Variants in KLHL18 observed in about 807,000 individuals in gnomAD.
KLHL18 encodes kelch-like protein 18.
KLHL18 carries 38 observed loss-of-function variants against 58.5 expected under a neutral mutation model. The observed-to-expected ratio is 0.65, with a 90% confidence interval of 0.50 to 0.85. The LOEUF (loss-of-function observed/expected upper bound fraction) is 0.85. Ranked by LOEUF, KLHL18 falls within the 40% of genes least tolerant of loss-of-function variation. The pLI is 0.00. For synonymous variants in KLHL18, 303 were observed against 301.9 expected (o/e 1.00, Z -0.04); for missense variants, 624 against 778.4 (o/e 0.80, Z 2.36).
At chr3:47,286,677 G>A (rs1370384804) in intron 1 of KLHL18, among the ~76,000 whole-genome samples, 1 of 152,210 alleles carries the variant, frequency 6.6e-6, no homozygotes, top group African/African-American at 2.4e-5. Context: ...CTGGGACCAC[G>A]TTCTGAGAGC....
intron 1 of KLHL18, among the ~76,000 whole-genome samples, chr3:47,299,775 C>T (rs1702972613): frequency 7.1e-6 from 1 of 140,116 alleles, no homozygotes; most frequent in African/African-American, 2.7e-5. Context: ...TGCAGTGAGC[C>T]GTGATTGCAC....
intron 1 of KLHL18, among the ~76,000 whole-genome samples, chr3:47,313,400 T>A (rs1404478261): frequency 1.3e-5 from 2 of 151,926 alleles, no homozygotes; most frequent in East Asian, 3.9e-4. Flanking sequence ...TTTATTTTAT[T>A]TTTTGTAAAC....
chr3:47,309,236 G>A (rs891325932), intron 1 of KLHL18, among the ~76,000 whole-genome samples: 3 of 151,964 alleles, frequency 2.0e-5, no homozygotes, highest in East Asian at 1.9e-4. Context: ...TTTTCTATTC[G>A]ACAAAACCGC....
intron 1 of KLHL18, among the ~76,000 whole-genome samples, chr3:47,303,493 C>T (rs539569676): frequency 3.9e-5 from 6 of 152,298 alleles, no homozygotes; most frequent in African/African-American, 1.2e-4. Flanking sequence ...AGTGACAAAA[C>T]TTCAAAGGAA....
At chr3:47,337,782 T>C (rs1016801090) in intron 7 of KLHL18, 1 of 152,238 alleles carries the variant, frequency 6.6e-6, no homozygotes, top group Non-Finnish European at 1.5e-5. Flanking sequence ...TGAGAGTCCT[T>C]TCCTCCCACC....
chr3:47,283,183 C>A (rs1702515771), intron 1 of KLHL18, 89 bp downstream of exon 1: 2 of 1,062,906 alleles, frequency 1.9e-6, no homozygotes, highest in African/African-American at 1.9e-5. Flanking sequence ...AGAGGTCTAG[C>A]AGGGAGAGGG....
chr3:47,300,514 G>A (rs552937012), intron 1 of KLHL18, among the ~76,000 whole-genome samples: 1 of 150,252 alleles, frequency 6.7e-6, no homozygotes, highest in Non-Finnish European at 1.5e-5. Flanking sequence ...GACCAGCTGG[G>A]ATTAGAAGCA....
chr3:47,331,488 G>A (rs1183528566), intron 4 of KLHL18, among the ~76,000 whole-genome samples: 4 of 124,054 alleles, frequency 3.2e-5, no homozygotes, highest in South Asian at 2.8e-4. Flanking sequence ...GCTGGAGTGC[G>A]ATGGCACAAT....
chr3:47,291,624 C>T (rs1346322810), intron 1 of KLHL18, among the ~76,000 whole-genome samples: 1 of 152,206 alleles, frequency 6.6e-6, no homozygotes, highest in Non-Finnish European at 1.5e-5. Context: ...GAAGCATGAG[C>T]TGAATCCGTT....
At chr3:47,296,427 G>A (rs1198573360) in intron 1 of KLHL18, among the ~76,000 whole-genome samples, 1 of 152,208 alleles carries the variant, frequency 6.6e-6, no homozygotes, top group Admixed American at 6.5e-5. Context: ...CTTGGTGCTT[G>A]TAGGTGCATG....
Position 47,319,681 on chromosome 3 carries a change from G to A in KLHL18, c.158G>A (p.Arg53Gln), listed in dbSNP as rs1218263060. The change falls in exon 2 of 10, where the codon CGG (arginine) becomes CAG (glutamine). Residue 53 changes from arginine (R) to glutamine (Q), a missense_variant. Transcript: ENST00000232766. The part of the protein sequence containing the change: ...KIGDHKFSAH[R>Q]IVLAASIPYF... ...GGGGACCACAAATTCAGTGCCCACC[G>A]GATTGTCTTAGCAGCCTCGATCCCG... is the stretch of plus-strand genomic sequence containing the variant. 7 of 1,613,614 alleles carry A rather than the reference G, an allele frequency of 4.3e-6. No homozygotes were observed. Among genetic ancestry groups the A allele is most frequent in the South Asian group, 2.2e-5 (2 of 91,048 alleles).
At chr3:47,289,424 C>T (rs957627120) in intron 1 of KLHL18, among the ~76,000 whole-genome samples, 4 of 152,126 alleles carry the variant, frequency 2.6e-5, no homozygotes, top group African/African-American at 9.7e-5. Context: ...ACAGTTTTCA[C>T]GAAATTGGCT....
chr3:47,334,901 T>C lies in KLHL18; in HGVS notation c.898+82T>C. 2 of 1,441,356 alleles carry C rather than the reference T, an allele frequency of 1.4e-6. No homozygotes were observed. The highest frequency in any genetic ancestry group is 5.0e-5 in the East Asian group (2 of 40,056). The allele number at this position is 1,441,356 out of a possible 1,614,324, so 89.3% of individuals were successfully genotyped here. A position where few individuals can be genotyped will look rare whatever the true frequency, so the allele number is the denominator to read the frequency against. On this transcript the variant is annotated intron_variant, in intron 6 of 9. Coordinates refer to ENST00000232766, the MANE Select transcript of KLHL18 (RefSeq NM_025010.5). This position sits in a 1 kb window ranked among gnomAD's most constrained non-coding sequence, Gnocchi z 4.7. ...ACCAGACAAATTAGCCTGGCCCTTC[T>C]GGTTTCTCTGTTTTGTACTGTCACC...
At chr3:47,332,887 A>G (rs1703897377) in intron 4 of KLHL18, among the ~76,000 whole-genome samples, 1 of 152,164 alleles carries the variant, frequency 6.6e-6, no homozygotes, top group South Asian at 2.1e-4. Flanking sequence ...AGCAGCGGGA[A>G]GGGAAACAGG....
rs1704227050 is a variant in KLHL18, at chr3:47,346,439, T to A, written c.*2498T>A. On this transcript the variant is annotated 3_prime_UTR_variant, in exon 10 of 10. Transcript: ENST00000232766. ...TTCGTAAATGGCTGGTCTGGCTCTT[T>A]GGTGTTGGAGCCTTTCCAATAGCCC... 1 of 152,670 alleles carries A rather than the reference T, an allele frequency of 6.6e-6. No individual in the cohort carries two copies. The highest frequency in any genetic ancestry group is 2.4e-5 in the African/African-American group (1 of 41,466). 9.5% of individuals were successfully genotyped at this position (152,670 alleles called of 1,614,324 possible). A position where few individuals can be genotyped will look rare whatever the true frequency, so the allele number is the denominator to read the frequency against.
intron 4 of KLHL18, among the ~76,000 whole-genome samples, chr3:47,330,450 C>G (rs774996181): frequency 6.6e-6 from 1 of 152,154 alleles, no homozygotes; most frequent in Non-Finnish European, 1.5e-5. Context: ...CAGGCACATA[C>G]CACCACACCC....
chr3:47,319,619 C>T, intron 1 of KLHL18, 34 bp from the exon 2 acceptor site: 3 of 1,606,162 alleles, frequency 1.9e-6, no homozygotes, highest in East Asian at 2.2e-5. Flanking sequence ...TTGCATTCCT[C>T]AATATCTGTC....
chr3:47,309,315 G>C (rs1318773746), intron 1 of KLHL18, among the ~76,000 whole-genome samples: 1 of 152,214 alleles, frequency 6.6e-6, no homozygotes, highest in Non-Finnish European at 1.5e-5. Context: ...CGGCCGGGCA[G>C]AGGGGCTCCT....
intron 7 of KLHL18, among the ~76,000 whole-genome samples, chr3:47,339,566 G>C (rs566058959): frequency 6.6e-6 from 1 of 151,982 alleles, no homozygotes; most frequent in African/African-American, 2.4e-5. Flanking sequence ...AACAGGAGCT[G>C]TGGCATCAGC....
Sources: allele counts gnomAD v4.1 joint callset (sites outside exome capture counted in the v4.1 genomes callset), GRCh38; gene constraint gnomAD v4.1.1; non-coding constraint Gnocchi (gnomAD v3.1); transcripts MANE v1.5; gene names NCBI Gene and HGNC (gene_info 2026-07-23, HGNC 2026-07-21).